ZRANB3: variants seen among roughly 807,000 people sequenced by gnomAD.
ZRANB3 encodes the protein zinc finger RANBP2-type containing 3.
Under a neutral mutation model 133.8 loss-of-function variants are expected in ZRANB3, and 125 were observed. That is an observed-to-expected ratio of 0.93 (90% CI 0.81 to 1.08). ZRANB3 has a LOEUF of 1.08. ZRANB3 is among the 50% of genes least tolerant of loss of function. ZRANB3 has a pLI of 0.00. For missense variants in ZRANB3, 1,229 were observed against 1,275.5 expected (o/e 0.96, Z 0.56); for synonymous variants, 387 against 432.7 (o/e 0.89, Z 1.31).
At chr2:135,353,975 G>C (rs1370620741) in intron 3 of ZRANB3, among the ~76,000 whole-genome samples, 3 of 152,042 alleles carry the variant, frequency 2.0e-5, no homozygotes, top group Non-Finnish European at 4.4e-5. Context: ...CTACACTCCA[G>C]CCTGGGTGAC....
chr2:135,272,491 T>C (rs1374237681), intron 9 of ZRANB3, among the ~76,000 whole-genome samples: 4 of 146,000 alleles, frequency 2.7e-5, no homozygotes. Flanking sequence ...CTCTGCTCAC[T>C]GCAAGCTCCG....
At chr2:135,335,750 C>T (rs112570375) in intron 6 of ZRANB3, among the ~76,000 whole-genome samples, 6 of 152,036 alleles carry the variant, frequency 3.9e-5, no homozygotes, top group East Asian at 1.9e-4. Context: ...ATATTAGGGA[C>T]GACCAATATG....
chr2:135,200,264 T>C lies in ZRANB3; in HGVS notation c.*78A>G, dbSNP rs1693564644. Reference sequence around the variant, plus strand: ...CTGAAAATTTTTACTCTCGATATATTAAACAAACATGGAAAACTTCTGTAT... The same window carrying C: ...CTGAAAATTTTTACTCTCGATATATCAAACAAACATGGAAAACTTCTGTAT... On this transcript the variant is annotated 3_prime_UTR_variant, in exon 21 of 21. Transcript: ENST00000264159. 2 of 1,234,550 alleles carry C rather than the reference T, an allele frequency of 1.6e-6. No individual in the cohort carries two copies. The highest frequency in any genetic ancestry group is 3.0e-5 in the African/African-American group (2 of 65,978). 76.5% of individuals were successfully genotyped at this position (1,234,550 alleles called of 1,614,324 possible). A position where few individuals can be genotyped will look rare whatever the true frequency, so the allele number is the denominator to read the frequency against.
At chr2:135,495,281 G>A (rs1692614818) in intron 2 of ZRANB3, among the ~76,000 whole-genome samples, 1 of 151,960 alleles carries the variant, frequency 6.6e-6, no homozygotes, top group Non-Finnish European at 1.5e-5. Context: ...TATTAAATTT[G>A]GTAACTGTGC....
At chr2:135,469,277 GA>G (rs1484349906) in intron 2 of ZRANB3, among the ~76,000 whole-genome samples, 21 of 150,536 alleles carry the variant, frequency 1.4e-4, no homozygotes, top group Admixed American at 2.6e-4. Flanking sequence ...ACATATATGT[GA>G]TAAACATATA....
At chr2:135,477,609 C>T (rs373293000) in intron 2 of ZRANB3, among the ~76,000 whole-genome samples, 2 of 152,186 alleles carry the variant, frequency 1.3e-5, no homozygotes, top group East Asian at 1.9e-4. Context: ...AACCTTAGAC[C>T]TCTGAAACAG....
chr2:135,220,217 A>G (rs939971949), intron 15 of ZRANB3, among the ~76,000 whole-genome samples: 1 of 151,952 alleles, frequency 6.6e-6, no homozygotes, highest in South Asian at 2.1e-4. Flanking sequence ...TGAAATCTTA[A>G]GGGTAGAAAG....
At chr2:135,364,126 G>A (rs1277299630) in intron 3 of ZRANB3, among the ~76,000 whole-genome samples, 2 of 151,728 alleles carry the variant, frequency 1.3e-5, no homozygotes, top group Non-Finnish European at 2.9e-5. Flanking sequence ...AGGAAGAAGG[G>A]AAGGAAGGAG....
intron 3 of ZRANB3, among the ~76,000 whole-genome samples, chr2:135,382,013 G>A (rs1686725695): frequency 6.6e-6 from 1 of 152,204 alleles, no homozygotes; most frequent in Admixed American, 6.5e-5. Flanking sequence ...GACGAGTTGA[G>A]AGAAGAAGGC....
chr2:135,492,168 T>C (rs1303862160), intron 2 of ZRANB3, among the ~76,000 whole-genome samples: 1 of 152,116 alleles, frequency 6.6e-6, no homozygotes, highest in Non-Finnish European at 1.5e-5. Context: ...ACAGAAACCA[T>C]AACAAATACT....
intron 1 of ZRANB3, among the ~76,000 whole-genome samples, chr2:135,518,475 G>A (rs1179863831): frequency 4.6e-5 from 7 of 152,160 alleles, no homozygotes; most frequent in Non-Finnish European, 1.0e-4. Flanking sequence ...ATTTCTCACG[G>A]CATAGTCCCT....
At chr2:135,456,699 T>C (rs549103495) in intron 2 of ZRANB3, among the ~76,000 whole-genome samples, 13 of 152,264 alleles carry the variant, frequency 8.5e-5, no homozygotes, top group Non-Finnish European at 1.6e-4. Context: ...TGAAGTTAGA[T>C]TGTTACATTA....
rs531718864 is a variant in ZRANB3 at position 135,465,544 on chromosome 2, A to T, written c.161+38785T>A. Among the ~76,000 whole-genome samples, 4 of 152,360 alleles carry T rather than the reference A, an allele frequency of 2.6e-5. No homozygotes were observed. In the East Asian group the frequency reaches 7.7e-4, roughly 29 times the overall value. ...ATTTTCAACTTCACATATTCAGTTC[A>T]TGTTCTGAAAATTGATTCAATCCAC... On this transcript the variant is annotated intron_variant, in intron 2 of 20. Coordinates refer to ENST00000264159, the MANE Select transcript of ZRANB3 (RefSeq NM_032143.4).
At chr2:135,324,702 T>G (rs1169805325) in intron 6 of ZRANB3, among the ~76,000 whole-genome samples, 1 of 152,186 alleles carries the variant, frequency 6.6e-6, no homozygotes, top group East Asian at 1.9e-4. Flanking sequence ...CCACCAACAG[T>G]GTAAAAGTGT....
intron 12 of ZRANB3, among the ~76,000 whole-genome samples, chr2:135,259,796 T>C (rs1293862338): frequency 6.6e-6 from 1 of 152,062 alleles, no homozygotes; most frequent in Non-Finnish European, 1.5e-5. Flanking sequence ...TTGGCTCACC[T>C]ATGAATCATT....
At chr2:135,508,472 A>C (rs1407885694) in intron 1 of ZRANB3, among the ~76,000 whole-genome samples, 1 of 152,354 alleles carries the variant, frequency 6.6e-6, no homozygotes, top group East Asian at 1.9e-4. Flanking sequence ...CAATGAAATT[A>C]AAGTTATATT....
At chr2:135,400,133 G>C (rs893234738) in intron 2 of ZRANB3, among the ~76,000 whole-genome samples, 1 of 151,930 alleles carries the variant, frequency 6.6e-6, no homozygotes, top group African/African-American at 2.4e-5. Flanking sequence ...CCAGCTACTC[G>C]GGAGGCTGAG....
At chr2:135,421,356 A>C (rs1462528072) in intron 2 of ZRANB3, among the ~76,000 whole-genome samples, 1 of 152,126 alleles carries the variant, frequency 6.6e-6, no homozygotes, top group Non-Finnish European at 1.5e-5. Flanking sequence ...CCTATTTGAC[A>C]TTTTCCAATG....
rs542346758 is a variant in ZRANB3, at chr2:135,451,595, C to T, written c.161+52734G>A. 1.8e-3 allele frequency among the ~76,000 whole-genome samples: 268 copies of T among 151,296 alleles called. 3 individuals are homozygous for T. Among genetic ancestry groups the T allele is most frequent in the African/African-American group, 6.4e-3 (263 of 41,264 alleles). On this transcript the variant is annotated intron_variant, in intron 2 of 20. Transcript: ENST00000264159. ...AAAAAAACAAAAAAAAAACAAACCACTAACACTAAAAACACCTGATGAGCT... is the reference window on the plus strand; with the variant it reads ...AAAAAAACAAAAAAAAAACAAACCATTAACACTAAAAACACCTGATGAGCT...
Sources: gnomAD v4.1 joint callset for allele counts (sites outside exome capture counted in the v4.1 genomes callset) on GRCh38, gnomAD v4.1.1 for gene constraint, MANE v1.5 for transcripts, NCBI Gene and HGNC (gene_info 2026-07-23, HGNC 2026-07-21) for gene names.